The following MYH15 variants were observed in gnomAD, a reference collection of about 807,000 sequenced individuals.
MYH15 encodes the protein myosin-15.
Under a neutral mutation model 240.5 loss-of-function variants are expected in MYH15, and 227 were observed. The observed-to-expected ratio is 0.94, with a 90% CI of 0.85 to 1.05. The LOEUF (loss-of-function observed/expected upper bound fraction) is 1.05. Among genes scored for constraint, MYH15 ranks in the 50% least tolerant of loss-of-function variants. The pLI, the probability that MYH15 is intolerant of heterozygous loss-of-function variation, is 0.00. For synonymous variants in MYH15, 785 were observed against 796.7 expected (o/e 0.99, Z 0.25); for missense variants, 2,217 against 2,247.5 (o/e 0.99, Z 0.27).
At position 108,474,352 on chromosome 3, in the gene MYH15, T is replaced by C. The variant is rs72941708; in HGVS notation, c.1233+2045A>G. On this transcript the variant is annotated intron_variant, in intron 12 of 40. Coordinates refer to ENST00000693548, the MANE Select transcript of MYH15 (RefSeq NM_014981.3). ...TTAGCTTGTTTCACTGGTCCTATTA[T>C]AGTAAAGGCTGGAGTCCTTACTATA... Among the ~76,000 whole-genome samples, 1,394 of 152,026 alleles carry C rather than the reference T, an allele frequency of 9.2e-3. 22 individuals are homozygous for C. Among genetic ancestry groups the C allele is most frequent in the African/African-American group, 0.032 (1,313 of 41,496 alleles).
intron 21 of MYH15, among the ~76,000 whole-genome samples, chr3:108,451,066 T>TAA (rs1278367291): frequency 6.6e-6 from 1 of 152,136 alleles, no homozygotes; most frequent in African/African-American, 2.4e-5. Context: ...AGGAATAGAA[T>TAA]TAGAGATACA....
intron 22 of MYH15, among the ~76,000 whole-genome samples, chr3:108,444,301 T>C (rs1438101809): frequency 6.6e-6 from 1 of 152,104 alleles, no homozygotes; most frequent in Non-Finnish European, 1.5e-5. Context: ...AAGCTTTTCT[T>C]GGGACCTACT....
rs1317116761 is a variant in MYH15, at chr3:108,388,998, T to C, written c.5507A>G (p.Glu1836Gly). The change falls in exon 38 of 41, where the codon GAG (glutamate) becomes GGG (glycine). Residue 1836 changes from glutamate (E) to glycine (G), a missense_variant. Coordinates refer to ENST00000693548, the MANE Select transcript of MYH15 (RefSeq NM_014981.3). ...AEAQRGARRL[E>G]RCIKELTYQA... ...ATAGGTCAGCTCTTTGATGCATCGC[T>C]CAAGTCTGCGGGCTCCCCTCTGGGC... The C allele has an allele frequency of 6.2e-7, 1 of 1,613,750 alleles. No homozygotes were observed.
upstream of MYH15, among the ~76,000 whole-genome samples, chr3:108,533,513 AG>A (rs1310512471): frequency 6.6e-6 from 1 of 152,186 alleles, no homozygotes; most frequent in Non-Finnish European, 1.5e-5. Context: ...GGTTTGTTAA[AG>A]GTAAAGTCCT....
intron 7 of MYH15, among the ~76,000 whole-genome samples, chr3:108,494,359 A>G (rs1488529785): frequency 6.6e-6 from 1 of 151,842 alleles, no homozygotes; most frequent in East Asian, 1.9e-4. Context: ...TTTAACCCAG[A>G]TTTCTTGATT....
At chr3:108,546,573 C>T in the MYH15 span, among the ~76,000 whole-genome samples, 1 of 152,212 alleles carries the variant, frequency 6.6e-6, no homozygotes, top group South Asian at 2.1e-4. Flanking sequence ...AAGTCCTTTG[C>T]TATGTATCCT....
chr3:108,405,537 G>T, intron 32 of MYH15, 84 bp from the exon 33 acceptor site: 1 of 810,196 alleles, frequency 1.2e-6, no homozygotes, highest in Non-Finnish European at 1.8e-6. Flanking sequence ...TGTCGCTAAT[G>T]TAGCTCTCTT....
chr3:108,472,291 G>C (rs939703692), intron 12 of MYH15, among the ~76,000 whole-genome samples: 2 of 152,174 alleles, frequency 1.3e-5, no homozygotes, highest in African/African-American at 4.8e-5. Context: ...ATTTTAGCTG[G>C]CCATTCTCCA....
intron 19 of MYH15, among the ~76,000 whole-genome samples, chr3:108,456,225 T>TA (rs2083018526): frequency 6.6e-6 from 1 of 152,138 alleles, no homozygotes; most frequent in African/African-American, 2.4e-5. Flanking sequence ...CTTTACCCTG[T>TA]TGGTGAGTTG....
intron 32 of MYH15, 95 bp downstream of exon 32, chr3:108,408,185 A>G: frequency 7.3e-7 from 1 of 1,368,474 alleles, no homozygotes; most frequent in Non-Finnish European, 9.9e-7. Flanking sequence ...TAAACATTTG[A>G]ATACGTGTCC....
intron 29 of MYH15, among the ~76,000 whole-genome samples, chr3:108,415,302 CA>C (rs1472476364): frequency 1.3e-5 from 2 of 152,078 alleles, no homozygotes; most frequent in Non-Finnish European, 2.9e-5. Context: ...TCTGAGGGCA[CA>C]AGGTTTAGTT....
rs368258531 is a variant in MYH15 at position 108,445,550 on chromosome 3, C to T, written c.2400-655G>A. On this transcript the variant is annotated intron_variant, in intron 21 of 40. Transcript: ENST00000693548. Reference sequence around the variant, plus strand: ...ACTGATAATAAATACCTTTTCAACCCTTGGGGTAGGAAAATACAAAATTAC... The same window carrying T: ...ACTGATAATAAATACCTTTTCAACCTTTGGGGTAGGAAAATACAAAATTAC... 2.6e-4 allele frequency among the ~76,000 whole-genome samples: 39 copies of T among 151,918 alleles called. 1 individual carries two copies. In the East Asian group the frequency reaches 6.4e-3, roughly 25 times the overall value.
chr3:108,411,545 G>GC (rs1385525681), intron 30 of MYH15, among the ~76,000 whole-genome samples: 1 of 152,038 alleles, frequency 6.6e-6, no homozygotes, highest in Non-Finnish European at 1.5e-5. Flanking sequence ...GGGTTTTTTA[G>GC]CCCCCATCTG....
intron 21 of MYH15, 56 bp downstream of exon 21, chr3:108,453,950 C>T (rs2082997412): frequency 1.3e-6 from 2 of 1,538,046 alleles, no homozygotes; most frequent in East Asian, 2.3e-5. Context: ...ATTAGTTGCA[C>T]TGGTTGAGGC....
chr3:108,512,547 T>C (rs1471666989), upstream of MYH15, among the ~76,000 whole-genome samples: 1 of 152,152 alleles, frequency 6.6e-6, no homozygotes, highest in Non-Finnish European at 1.5e-5. Flanking sequence ...AATACATGTG[T>C]GTACAAACTT....
At chr3:108,400,899 C>T (rs907656534) in intron 33 of MYH15, among the ~76,000 whole-genome samples, 1 of 152,122 alleles carries the variant, frequency 6.6e-6, no homozygotes, top group East Asian at 1.9e-4. Context: ...TGCTACTTTT[C>T]GTGACCCCCA....
intron 27 of MYH15, among the ~76,000 whole-genome samples, chr3:108,422,160 T>C (rs2082688834): frequency 1.3e-5 from 2 of 152,160 alleles, no homozygotes; most frequent in Admixed American, 1.3e-4. Context: ...TCTTCCATGG[T>C]TCTACAGATT....
chr3:108,510,653 A>T, upstream of MYH15: 1 of 1,474,352 alleles, frequency 6.8e-7, no homozygotes, highest in South Asian at 1.2e-5. Context: ...CTAAATGAGC[A>T]ACCATTCACA....
At chr3:108,467,591 C>T (rs1373446949) in intron 14 of MYH15, among the ~76,000 whole-genome samples, 1 of 152,084 alleles carries the variant, frequency 6.6e-6, no homozygotes, top group East Asian at 1.9e-4. Context: ...ATCCCAATAT[C>T]GTGAGAAATT....
Sources: allele counts gnomAD v4.1 joint callset (sites outside exome capture counted in the v4.1 genomes callset), GRCh38; gene constraint gnomAD v4.1.1; transcripts MANE v1.5; gene names NCBI Gene and HGNC (gene_info 2026-07-23, HGNC 2026-07-21).